Variants in STK3 observed in about 807,000 individuals in gnomAD.
STK3 encodes the protein serine/threonine kinase 3.
Under a neutral mutation model 58.0 loss-of-function variants are expected in STK3, and 41 were observed. The ratio of observed to expected loss-of-function variants is 0.71; its 90% CI spans 0.55 to 0.92. STK3 has a LOEUF of 0.92. Among genes scored for constraint, STK3 ranks in the 40% least tolerant of loss-of-function variants. The pLI is 0.00. For synonymous variants in STK3, 170 were observed against 191.0 expected (o/e 0.89, Z 0.91); for missense variants, 479 against 602.7 (o/e 0.79, Z 2.15).
chr8:98,858,610 TGGGCCA>T (rs989616478), intron 3 of STK3, among the ~76,000 whole-genome samples: 2 of 150,234 alleles, frequency 1.3e-5, no homozygotes, highest in African/African-American at 2.4e-5. Context: ...GGGAGATATC[TGGGCCA>T]GGCGCCGTGA....
intron 10 of STK3, among the ~76,000 whole-genome samples, chr8:98,501,875 A>C (rs1163174548): frequency 1.3e-5 from 2 of 152,054 alleles, no homozygotes; most frequent in Non-Finnish European, 2.9e-5. Context: ...TTAGGATTGT[A>C]TTGCCTATGC....
chr8:98,822,854 CGTT>C (rs1297719820), intron 1 of STK3, among the ~76,000 whole-genome samples: 1 of 152,206 alleles, frequency 6.6e-6, no homozygotes, highest in Admixed American at 6.5e-5. Context: ...CATGGCGAAA[CGTT>C]GTCTCTACTA....
chr8:98,568,070 TAG>T (rs1586882925), intron 8 of STK3, among the ~76,000 whole-genome samples: 1 of 124,122 alleles, frequency 8.1e-6, no homozygotes, highest in East Asian at 2.2e-4. Context: ...AGATGATAGA[TAG>T]ATAGATAGAT....
intron 1 of STK3, chr8:98,906,258 G>C (rs1838894912): frequency 1.3e-5 from 2 of 152,440 alleles, no homozygotes; most frequent in African/African-American, 4.8e-5. Flanking sequence ...CTCAGAGTTA[G>C]GGCCGTTTCT....
intron 1 of STK3, among the ~76,000 whole-genome samples, chr8:98,913,491 G>T (rs981909887): frequency 2.6e-5 from 4 of 152,236 alleles, no homozygotes; most frequent in African/African-American, 9.6e-5. Context: ...TCCCTGGAGA[G>T]TCATAACCAG....
At chr8:98,355,714 G>C in the STK3 span, among the ~76,000 whole-genome samples, 1 of 152,210 alleles carries the variant, frequency 6.6e-6, no homozygotes, top group Non-Finnish European at 1.5e-5. Flanking sequence ...TCACTGCCCA[G>C]TATAGATACT....
At position 98,455,023 on chromosome 8, in the gene STK3, A is replaced by G. The variant is rs531390096; in HGVS notation, c.*819T>C. The G allele has an allele frequency of 3.3e-5, 5 of 152,706 alleles. No individual in the cohort carries two copies. Among genetic ancestry groups the G allele is most frequent in the African/African-American group, 1.2e-4 (5 of 41,588 alleles). The allele number at this position is 152,706 out of a possible 1,614,324, so 9.5% of individuals were successfully genotyped here. On this transcript the variant is annotated 3_prime_UTR_variant, in exon 11 of 11. Transcript: ENST00000419617. ...CTATTAGATCTACACATAAAACATG[A>G]AACAATATTAACAAATTACATTTGT...
In STK3 at chr8:98,509,608, T is replaced by C. The variant is rs531165559; in HGVS notation, c.1317+17134A>G. Among the ~76,000 whole-genome samples, 6 of 152,050 alleles carry C rather than the reference T, an allele frequency of 3.9e-5. No individual in the cohort carries two copies. The South Asian group carries it at 1.2e-3, about 31-fold the overall frequency. ...TTTAAGAACAGTGTATAAAATAAAC[T>C]ATACCATAAACTTAAGCCTAGAGTT... On this transcript the variant is annotated intron_variant, in intron 10 of 10. Coordinates refer to ENST00000419617, the MANE Select transcript of STK3 (RefSeq NM_006281.4).
chr8:98,524,496 C>T (rs368503115), intron 10 of STK3, among the ~76,000 whole-genome samples: 46 of 152,256 alleles, frequency 3.0e-4, no homozygotes, highest in African/African-American at 1.1e-3. Flanking sequence ...TATGTCTTTT[C>T]ATGTATTGAT....
At chr8:98,860,838 T>C (rs1255817270) in intron 3 of STK3, among the ~76,000 whole-genome samples, 1 of 152,068 alleles carries the variant, frequency 6.6e-6, no homozygotes, top group African/African-American at 2.4e-5. Flanking sequence ...GCAGACACCT[T>C]GAGTCCAGGA....
chr8:98,817,169 T>C (rs752747926), intron 1 of STK3, among the ~76,000 whole-genome samples: 3 of 152,128 alleles, frequency 2.0e-5, no homozygotes, highest in Non-Finnish European at 4.4e-5. Flanking sequence ...AAAATAGAAA[T>C]CAGGCCGGGC....
chr8:98,802,531 T>C (rs908284074), intron 1 of STK3, among the ~76,000 whole-genome samples: 5 of 152,186 alleles, frequency 3.3e-5, no homozygotes, highest in South Asian at 2.1e-4. Context: ...TGAATACATA[T>C]AGGTTCACTT....
chr8:98,500,896 A>G (rs1437980473), intron 10 of STK3, among the ~76,000 whole-genome samples: 2 of 152,208 alleles, frequency 1.3e-5, no homozygotes, highest in Middle Eastern at 3.2e-3. Flanking sequence ...TTATAGTAGC[A>G]TGATTTATAA....
chr8:98,568,092 GAT>G, intron 8 of STK3, among the ~76,000 whole-genome samples: 1 of 151,996 alleles, frequency 6.6e-6, no homozygotes, highest in South Asian at 2.1e-4. Context: ...TAGATAGATA[GAT>G]AGATAGATAG....
chr8:98,768,143 C>A lies in STK3; in HGVS notation c.108-772G>T, dbSNP rs546568874. Reference sequence around the variant, plus strand: ...AACACTACTATGTACTGAGTTCTTACTATAAACCAGGTCCTATGCTAGGTG... The same window carrying A: ...AACACTACTATGTACTGAGTTCTTAATATAAACCAGGTCCTATGCTAGGTG... On this transcript the variant is annotated intron_variant, in intron 2 of 10. Transcript: ENST00000419617. Among the ~76,000 whole-genome samples, 4 of 152,298 alleles carry A rather than the reference C, an allele frequency of 2.6e-5. No individual in the cohort carries two copies. In the South Asian group the frequency reaches 8.3e-4, roughly 32 times the overall value.
intron 1 of STK3, among the ~76,000 whole-genome samples, chr8:98,444,357 A>G (rs919184075): frequency 7.9e-5 from 12 of 152,168 alleles, no homozygotes; most frequent in African/African-American, 2.9e-4. Flanking sequence ...AGAGGCTTTA[A>G]TGACCCTTAT....
At chr8:98,600,639 T>C (rs9656842) in intron 6 of STK3, among the ~76,000 whole-genome samples, 42,045 of 152,114 alleles carry the variant, frequency 0.28, 6,217 homozygotes, top group East Asian at 0.46. Flanking sequence ...GGCTCTGTTA[T>C]ATACATTCAG....
At chr8:98,703,820 T>C (rs1825781651) in intron 6 of STK3, among the ~76,000 whole-genome samples, 2 of 152,158 alleles carry the variant, frequency 1.3e-5, no homozygotes, top group African/African-American at 4.8e-5. Flanking sequence ...ACACTATACT[T>C]TCCCAATTAC....
downstream of STK3, among the ~76,000 whole-genome samples, chr8:98,454,086 C>T (rs1200740173): frequency 2.0e-5 from 3 of 152,102 alleles, no homozygotes; most frequent in Non-Finnish European, 4.4e-5. Flanking sequence ...AAGGGCTCAA[C>T]AGGGTAGAGA....
Sources: allele counts gnomAD v4.1 joint callset (sites outside exome capture counted in the v4.1 genomes callset), GRCh38; gene constraint gnomAD v4.1.1; transcripts MANE v1.5; gene names NCBI Gene and HGNC (gene_info 2026-07-23, HGNC 2026-07-21).